CDH13: variants seen among roughly 807,000 people sequenced by gnomAD.
CDH13 encodes cadherin-13.
Under a neutral mutation model 63.8 loss-of-function variants are expected in CDH13, and 24 were observed. The observed-to-expected ratio is 0.38, with a 90% confidence interval of 0.27 to 0.53. The LOEUF (loss-of-function observed/expected upper bound fraction) is 0.53, where lower values mean the gene tolerates loss of function less well. CDH13 is among the 20% of genes least tolerant of loss of function. CDH13 has a pLI of 0.85. For missense variants in CDH13, 1,049 were observed against 903.1 expected, an observed-to-expected ratio of 1.16 and a Z score of -2.07; for synonymous variants, 503 against 355.3, an observed-to-expected ratio of 1.42 and a Z score of -4.67.
rs938517409 is a variant in CDH13, at chr16:83,800,115, G to C, written c.*5085G>C. ...TGAACCATTTTATTTGACTTTCCAC[G>C]TGCCGTCTCATTGGTAGGGAGATGG... On this transcript the variant is annotated 3_prime_UTR_variant, in exon 14 of 14. Transcript: ENST00000567109. The C allele has an allele frequency of 7.9e-5, 12 of 152,132 alleles. No homozygotes were observed. The highest frequency in any genetic ancestry group is 2.7e-4 in the African/African-American group (11 of 41,436). 9.4% of individuals were successfully genotyped at this position (152,132 alleles called of 1,614,324 possible).
chr16:83,561,173 G>T (rs1483989257), intron 7 of CDH13, among the ~76,000 whole-genome samples: 5 of 152,030 alleles, frequency 3.3e-5, no homozygotes, highest in African/African-American at 9.7e-5. Context: ...CAGGCCGGGC[G>T]CAGTGGCTCA....
At chr16:82,894,609 T>C (rs1398702768) in intron 2 of CDH13, among the ~76,000 whole-genome samples, 1 of 152,018 alleles carries the variant, frequency 6.6e-6, no homozygotes, top group Middle Eastern at 3.2e-3. Flanking sequence ...GCCACTGCAC[T>C]CCAGCCTGGG....
chr16:83,778,341 C>G (rs750240533), intron 11 of CDH13, among the ~76,000 whole-genome samples: 26 of 152,124 alleles, frequency 1.7e-4, no homozygotes, highest in Non-Finnish European at 3.2e-4. Context: ...ACCAGACTGA[C>G]CAACGTGGTG....
chr16:83,592,679 T>C (rs995474508), intron 7 of CDH13, among the ~76,000 whole-genome samples: 7 of 152,202 alleles, frequency 4.6e-5, no homozygotes, highest in African/African-American at 1.4e-4. Flanking sequence ...TTTCCCCTGC[T>C]GCTTCTCCAC....
In CDH13 at chr16:83,002,246, C is replaced by T. The variant is rs189050542; in HGVS notation, c.158-29764C>T. On this transcript the variant is annotated intron_variant, in intron 2 of 13. Transcript: ENST00000567109. ...TCTGGGTGAGCCCTAAATCCATTGA[C>T]ATGTGTGCTTTTAAGAGACACACAG... Among the ~76,000 whole-genome samples the T allele has an allele frequency of 1.8e-3, 278 of 152,294 alleles. 2 individuals are homozygous for T. Among genetic ancestry groups the T allele is most frequent in the Middle Eastern group, 0.017 (5 of 294 alleles).
intron 4 of CDH13, among the ~76,000 whole-genome samples, chr16:83,187,867 G>A (rs2038574329): frequency 6.6e-6 from 1 of 152,174 alleles, no homozygotes; most frequent in Non-Finnish European, 1.5e-5. Context: ...GTAGGTTGCA[G>A]TTTTCAACAG....
chr16:83,308,481 T>A (rs1362034038), intron 5 of CDH13, among the ~76,000 whole-genome samples: 1 of 152,180 alleles, frequency 6.6e-6, no homozygotes, highest in Non-Finnish European at 1.5e-5. Context: ...GAGAATTACA[T>A]TTACTCTCCA....
chr16:82,684,499 C>T lies in CDH13; in HGVS notation c.45+57362C>T, dbSNP rs547310081. Among the ~76,000 whole-genome samples the T allele has an allele frequency of 1.3e-4, 20 of 152,194 alleles. No individual in the cohort carries two copies. In the East Asian group the frequency reaches 2.3e-3, roughly 18 times the overall value. On this transcript the variant is annotated intron_variant, in intron 1 of 13. Transcript: ENST00000567109. ...GTCAATTAGTGATGTCTGCCATGTG[C>T]ACGGGTAGAGAAGTTATGTCATGCA... is the stretch of plus-strand genomic sequence containing the variant.
intron 5 of CDH13, among the ~76,000 whole-genome samples, chr16:83,265,029 G>T (rs1332150562): frequency 1.3e-5 from 2 of 151,944 alleles, no homozygotes; most frequent in African/African-American, 4.8e-5. Flanking sequence ...TTCTTCATTT[G>T]TTTAGTGTTC....
intron 6 of CDH13, among the ~76,000 whole-genome samples, chr16:83,349,075 G>A (rs1349523080): frequency 1.3e-5 from 2 of 152,248 alleles, no homozygotes; most frequent in East Asian, 3.9e-4. Flanking sequence ...AGACCATTCC[G>A]GCTGCTCAGC....
chr16:83,573,813 C>A (rs1485067736), intron 7 of CDH13, among the ~76,000 whole-genome samples: 3 of 152,150 alleles, frequency 2.0e-5, no homozygotes, highest in Non-Finnish European at 2.9e-5. Context: ...TCACTACACT[C>A]ATTTATTTGG....
At chr16:83,094,139 A>G (rs773363240) in intron 3 of CDH13, among the ~76,000 whole-genome samples, 6 of 152,316 alleles carry the variant, frequency 3.9e-5, no homozygotes, top group South Asian at 2.1e-4. Flanking sequence ...TTCTCGTTGC[A>G]TGGCTCTGGC....
chr16:83,107,754 A>G (rs1436583656), intron 3 of CDH13, among the ~76,000 whole-genome samples: 1 of 150,032 alleles, frequency 6.7e-6, no homozygotes, highest in African/African-American at 2.5e-5. Flanking sequence ...TTTTTTTACA[A>G]TCACATAATT....
intron 8 of CDH13, among the ~76,000 whole-genome samples, chr16:83,616,770 T>G (rs1283230404): frequency 1.3e-5 from 2 of 152,148 alleles, no homozygotes; most frequent in African/African-American, 4.8e-5. Context: ...GAAGCCATTT[T>G]GTACTGAACA....
At chr16:82,821,306 C>T (rs932825046) in intron 1 of CDH13, among the ~76,000 whole-genome samples, 1 of 152,094 alleles carries the variant, frequency 6.6e-6, no homozygotes, top group Admixed American at 6.5e-5. Flanking sequence ...GTGTTCTTTC[C>T]AAGAGGAAAT....
At chr16:83,272,487 A>T (rs1201263575) in intron 5 of CDH13, among the ~76,000 whole-genome samples, 1 of 152,200 alleles carries the variant, frequency 6.6e-6, no homozygotes, top group East Asian at 1.9e-4. Context: ...CATGTTGTTC[A>T]AACTTGAATT....
intron 6 of CDH13, among the ~76,000 whole-genome samples, chr16:83,465,146 A>C (rs189970702): frequency 6.6e-6 from 1 of 152,344 alleles, no homozygotes; most frequent in East Asian, 1.9e-4. Context: ...CAACGAGCTA[A>C]ACAAATGAAT....
chr16:83,623,337 G>T (rs994083483), intron 8 of CDH13, among the ~76,000 whole-genome samples: 1 of 152,078 alleles, frequency 6.6e-6, no homozygotes, highest in Non-Finnish European at 1.5e-5. Flanking sequence ...TTTCACTTGG[G>T]CCCTTTCAGC....
chr16:83,257,839 G>A (rs190324714), intron 5 of CDH13, among the ~76,000 whole-genome samples: 7 of 152,240 alleles, frequency 4.6e-5, no homozygotes, highest in African/African-American at 9.6e-5. Context: ...TTGAGGAATC[G>A]CCATACTATC....
Sources: gnomAD v4.1 joint callset for allele counts (sites outside exome capture counted in the v4.1 genomes callset) on GRCh38, gnomAD v4.1.1 for gene constraint, MANE v1.5 for transcripts, NCBI Gene and HGNC (gene_info 2026-07-23, HGNC 2026-07-21) for gene names.